Variants in RPH3AL observed in about 807,000 individuals in gnomAD.
RPH3AL encodes rab effector Noc2.
RPH3AL carries 38 observed loss-of-function variants against 43.1 expected under a neutral mutation model. The observed-to-expected ratio is 0.88, with a 90% CI of 0.68 to 1.15. The LOEUF is 1.15. RPH3AL is among the 50% of genes most tolerant of loss of function. The pLI is 0.00. For missense variants in RPH3AL, 462 were observed against 423.2 expected (o/e 1.09, Z -0.81); for synonymous variants, 189 against 176.3 (o/e 1.07, Z -0.57).
intron 3 of RPH3AL, among the ~76,000 whole-genome samples, chr17:325,627 C>T (rs2044601484): frequency 6.6e-6 from 1 of 152,206 alleles, no homozygotes; most frequent in Non-Finnish European, 1.5e-5. Flanking sequence ...TCACCCACGT[C>T]CCCACCGCCT....
rs375837087 is a variant in RPH3AL, at chr17:219,526, C to CTT, written c.727+95_727+96dup. On this transcript the variant is annotated intron_variant, in intron 8 of 9. Transcript: ENST00000331302. Reference sequence around the variant, plus strand: ...AGTTTCATTTCTTTTCTTTTTCTTCCTTTTTTTTTTTTTTTTGAGATGGAG... The same window carrying CTT: ...AGTTTCATTTCTTTTCTTTTTCTTCCTTTTTTTTTTTTTTTTTTGAGATGGAG... The CTT allele has an allele frequency of 1.1e-3, 154 of 144,926 alleles. 28 individuals carry two copies. Among genetic ancestry groups the CTT allele is most frequent in the South Asian group, 2.0e-3 (23 of 11,686 alleles). 9.0% of individuals were successfully genotyped at this position (144,926 alleles called of 1,614,324 possible). A position where few individuals can be genotyped will look rare whatever the true frequency, so the allele number is the denominator to read the frequency against.
intron 1 of RPH3AL, among the ~76,000 whole-genome samples, chr17:335,096 A>C (rs1416701045): frequency 6.6e-6 from 1 of 152,222 alleles, no homozygotes; most frequent in African/African-American, 2.4e-5. Context: ...GAGCGTGGGC[A>C]GCATACCCGA....
intron 1 of RPH3AL, among the ~76,000 whole-genome samples, chr17:342,720 G>A (rs911570237): frequency 7.2e-5 from 11 of 152,190 alleles, no homozygotes; most frequent in African/African-American, 2.4e-4. Flanking sequence ...GACAGCAAAA[G>A]GGAATAGGGT....
At chr17:285,515 G>A (rs541163463) in intron 5 of RPH3AL, among the ~76,000 whole-genome samples, 27 of 152,258 alleles carry the variant, frequency 1.8e-4, no homozygotes, top group African/African-American at 4.6e-4. Flanking sequence ...GCAGCCCGGC[G>A]TGGTTTTCCT....
At chr17:315,288 C>A (rs1555518917) in intron 5 of RPH3AL, among the ~76,000 whole-genome samples, 3 of 78,306 alleles carry the variant, frequency 3.8e-5, no homozygotes, top group Admixed American at 1.3e-4. Context: ...GTCCCTGTGC[C>A]CCCACCTCCA....
chr17:314,106 T>G (rs1419895429), intron 5 of RPH3AL, among the ~76,000 whole-genome samples: 2 of 152,176 alleles, frequency 1.3e-5, no homozygotes, highest in Non-Finnish European at 2.9e-5. Flanking sequence ...GCCTAAGACA[T>G]GGCTCCAAGG....
chr17:243,015 T>C (rs2041609941), intron 7 of RPH3AL, among the ~76,000 whole-genome samples: 1 of 127,800 alleles, frequency 7.8e-6, no homozygotes, highest in African/African-American at 2.9e-5. Context: ...CCTTCCTCTA[T>C]TGAATACCTT....
chr17:285,232 T>A (rs951548313), intron 5 of RPH3AL, among the ~76,000 whole-genome samples: 1 of 152,130 alleles, frequency 6.6e-6, no homozygotes, highest in African/African-American at 2.4e-5. Flanking sequence ...TCCTGCGCTA[T>A]CACCAGATCC....
At position 263,430 on chromosome 17, in the gene RPH3AL, C is replaced by T. The variant is rs537751269; in HGVS notation, c.439-16145G>A. ...AGTTGGTACATCAAGAAAGGCACGG[C>T]AGGATCCAGCACGTGGACGAACAGG... On this transcript the variant is annotated intron_variant, in intron 6 of 9. Coordinates refer to ENST00000331302, the MANE Select transcript of RPH3AL (RefSeq NM_006987.4). 1.7e-4 allele frequency among the ~76,000 whole-genome samples: 26 copies of T among 152,284 alleles called. 1 individual carries two copies. In the South Asian group the frequency reaches 5.4e-3, roughly 32 times the overall value.
intron 6 of RPH3AL, among the ~76,000 whole-genome samples, chr17:251,358 C>T (rs1313059963): frequency 6.6e-6 from 1 of 152,176 alleles, no homozygotes; most frequent in East Asian, 1.9e-4. Flanking sequence ...CAGTCTCCTC[C>T]CCCATTCCCA....
intron 5 of RPH3AL, among the ~76,000 whole-genome samples, chr17:299,926 G>C (rs545340989): frequency 6.6e-6 from 1 of 152,356 alleles, no homozygotes; most frequent in East Asian, 1.9e-4. Flanking sequence ...GTCCCTGCAG[G>C]ACAGCCCTGA....
rs2045232635 is a variant in RPH3AL at position 346,052 on chromosome 17, C to A, written c.-213+6660G>T. ...GGCTTACCATTTGCAAGGTTTAGTT[C>A]CAAGTGCTTATGGAATCATCTCCTT... On this transcript the variant is annotated intron_variant, in intron 1 of 9. Coordinates refer to ENST00000331302, the MANE Select transcript of RPH3AL (RefSeq NM_006987.4). 2.2e-5 allele frequency among the ~76,000 whole-genome samples: 3 copies of A among 135,370 alleles called. No individual in the cohort carries two copies. The South Asian group carries it at 7.3e-4, about 33-fold the overall frequency. The allele number at this position is 135,370 out of a possible 152,430, so 88.8% of individuals were successfully genotyped here. A position where few individuals can be genotyped will look rare whatever the true frequency, so the allele number is the denominator to read the frequency against.
At chr17:230,788 G>A (rs1411333766) in intron 7 of RPH3AL, among the ~76,000 whole-genome samples, 1 of 152,184 alleles carries the variant, frequency 6.6e-6, no homozygotes, top group Non-Finnish European at 1.5e-5. Context: ...CTCTCCGTGT[G>A]TCTCTGGGGC....
intron 6 of RPH3AL, among the ~76,000 whole-genome samples, chr17:248,964 C>A (rs570609112): frequency 1.3e-5 from 2 of 152,268 alleles, no homozygotes; most frequent in East Asian, 3.9e-4. Context: ...CCAGGCTGGA[C>A]CACATCACAG....
In RPH3AL at chr17:283,988, C is replaced by T. The variant is rs12451101; in HGVS notation, c.352-2134G>A. Among the ~76,000 whole-genome samples, 16,396 of 152,196 alleles carry T rather than the reference C, an allele frequency of 0.11. 1,635 individuals are homozygous for T. Among genetic ancestry groups the T allele is most frequent in the East Asian group, 0.53 (2,753 of 5,168 alleles). The stretch of plus-strand genomic sequence containing the variant: ...ATGCTACTTAGCTCTGTTTTCCTTG[C>T]GAATTCCCACCATCCCTGTGTACAC... On this transcript the variant is annotated intron_variant, in intron 5 of 9. Coordinates refer to ENST00000331302, the MANE Select transcript of RPH3AL (RefSeq NM_006987.4). This position sits in a 1 kb window ranked among gnomAD's most constrained non-coding sequence, Gnocchi z 4.2.
chr17:268,553 GTTTT>G (rs5818749), intron 6 of RPH3AL, among the ~76,000 whole-genome samples: 7 of 74,536 alleles, frequency 9.4e-5, no homozygotes, highest in South Asian at 6.1e-4. Context: ...ATGTTTTTGG[GTTTT>G]TTTTTTTTTT....
At chr17:251,340 A>G (rs565459814) in intron 6 of RPH3AL, among the ~76,000 whole-genome samples, 3 of 152,188 alleles carry the variant, frequency 2.0e-5, no homozygotes, top group African/African-American at 4.8e-5. Flanking sequence ...ACAAAGTGCA[A>G]AAGTAGCCAG....
chr17:313,773 T>C (rs1051897991), intron 5 of RPH3AL, among the ~76,000 whole-genome samples: 10 of 152,258 alleles, frequency 6.6e-5, no homozygotes, highest in South Asian at 2.1e-4. Flanking sequence ...TGGGCTATTA[T>C]TTACAGAATG....
chr17:276,815 C>T (rs538712681), intron 6 of RPH3AL, among the ~76,000 whole-genome samples: 2 of 152,318 alleles, frequency 1.3e-5, no homozygotes, highest in South Asian at 4.1e-4. Context: ...CCATTTCTCC[C>T]TCTTTTCTTA....
Sources: allele counts gnomAD v4.1 joint callset (sites outside exome capture counted in the v4.1 genomes callset), GRCh38; gene constraint gnomAD v4.1.1; non-coding constraint Gnocchi (gnomAD v3.1); transcripts MANE v1.5; gene names NCBI Gene and HGNC (gene_info 2026-07-23, HGNC 2026-07-21).